RSPH14: variants seen among roughly 807,000 people sequenced by gnomAD.
RSPH14 encodes rhabdoid tumor deletion region gene 1.
Under a neutral mutation model 26.7 loss-of-function variants are expected in RSPH14, and 20 were observed. The ratio of observed to expected loss-of-function variants is 0.75; its 90% CI spans 0.53 to 1.09. The LOEUF (loss-of-function observed/expected upper bound fraction) is 1.09, where lower values mean the gene tolerates loss of function less well. RSPH14 is among the 50% of genes least tolerant of loss of function. The pLI is 0.00. For synonymous variants in RSPH14, 177 were observed against 189.3 expected (o/e 0.93, Z 0.53); for missense variants, 449 against 457.2 (o/e 0.98, Z 0.16).
intron 4 of RSPH14, among the ~76,000 whole-genome samples, chr22:23,065,764 G>T (rs2068196799): frequency 6.6e-6 from 1 of 152,096 alleles, no homozygotes; most frequent in African/African-American, 2.4e-5. Context: ...TGGGCCTAGG[G>T]TGGCAAGAGT....
At chr22:23,161,548 G>C in the RSPH14 span, 1 of 1,611,620 alleles carries the variant, frequency 6.2e-7, no homozygotes, top group East Asian at 2.2e-5. Flanking sequence ...AGGCCCTCCA[G>C]CCTGGGCTGC....
At chr22:23,102,517 C>A (rs535572444) in intron 4 of RSPH14, among the ~76,000 whole-genome samples, 1 of 152,372 alleles carries the variant, frequency 6.6e-6, no homozygotes, top group African/African-American at 2.4e-5. Context: ...TGCAGTGGCT[C>A]CTTGCCCTGG....
the RSPH14 span, among the ~76,000 whole-genome samples, chr22:23,169,259 A>C: frequency 6.6e-6 from 1 of 152,186 alleles, no homozygotes; most frequent in Non-Finnish European, 1.5e-5. Flanking sequence ...GGGGGCAGGA[A>C]TAAAGGACAG....
intron 4 of RSPH14, among the ~76,000 whole-genome samples, chr22:23,111,713 C>CA (rs1446408280): frequency 2.0e-5 from 3 of 152,246 alleles, no homozygotes; most frequent in Non-Finnish European, 4.4e-5. Flanking sequence ...GAACACAAGA[C>CA]AGCCAGTACC....
intron 4 of RSPH14, among the ~76,000 whole-genome samples, chr22:23,126,264 C>G (rs1188711802): frequency 6.6e-6 from 1 of 152,166 alleles, no homozygotes; most frequent in Admixed American, 6.5e-5. Context: ...AGGTTTCTCC[C>G]GGTTCCCAGA....
chr22:23,177,455 G>T, the RSPH14 span, among the ~76,000 whole-genome samples: 116 of 152,272 alleles, frequency 7.6e-4, 2 homozygotes, highest in East Asian at 0.02. Context: ...AGACATAGGG[G>T]AACAAGACAA....
chr22:23,145,975 C>T (rs970484552), upstream of RSPH14: 1 of 985,370 alleles, frequency 1.0e-6, no homozygotes, highest in Non-Finnish European at 1.2e-6. Context: ...AGCAGGAGAC[C>T]CCTCCCCACT....
chr22:23,124,228 TTG>T, intron 4 of RSPH14: 2 of 164,018 alleles, frequency 1.2e-5, no homozygotes, highest in South Asian at 1.6e-4. Flanking sequence ...TTTTTTTTTT[TTG>T]GCCAAATCTC....
the RSPH14 span, among the ~76,000 whole-genome samples, chr22:23,157,254 GTTT>G: frequency 6.8e-6 from 1 of 146,010 alleles, no homozygotes; most frequent in African/African-American, 2.5e-5. Flanking sequence ...GGACTAACAG[GTTT>G]TTTTTTTTTT....
At chr22:23,070,992 G>A (rs1009825331) in intron 4 of RSPH14, among the ~76,000 whole-genome samples, 11 of 152,096 alleles carry the variant, frequency 7.2e-5, no homozygotes, top group African/African-American at 2.2e-4. Context: ...TCAGGGAGGG[G>A]CGGCCGGAGC....
chr22:23,114,517 C>A (rs1266582636), intron 4 of RSPH14, among the ~76,000 whole-genome samples: 1 of 152,086 alleles, frequency 6.6e-6, no homozygotes, highest in East Asian at 1.9e-4. Context: ...TCTTGTATTA[C>A]CCCTCGCCCC....
rs138733040 is a variant in RSPH14, at chr22:23,130,323, C to T, written c.421+3703G>A. On this transcript the variant is annotated intron_variant, in intron 4 of 6. Transcript: ENST00000216036. ...ACAAAAAATCAGCCGGGCATGGTGG[C>T]GGGTGCCTGTAGTCCCAGCTACTCG... 4.5e-3 allele frequency among the ~76,000 whole-genome samples: 675 copies of T among 151,176 alleles called. 7 individuals carry two copies. Among genetic ancestry groups the T allele is most frequent in the African/African-American group, 0.016 (640 of 41,164 alleles).
chr22:23,145,723 C>T (rs2070729505), upstream of RSPH14, among the ~76,000 whole-genome samples: 1 of 152,252 alleles, frequency 6.6e-6, no homozygotes, highest in African/African-American at 2.4e-5. Context: ...AAACTCTGGG[C>T]CAGGCCCGCG....
At position 23,138,947 on chromosome 22, in the gene RSPH14, A is replaced by T; in HGVS notation, c.200-5T>A. 104 of 186,482 alleles carry T rather than the reference A, an allele frequency of 5.6e-4. No homozygotes were observed. The highest frequency in any genetic ancestry group is 6.9e-4 in the Non-Finnish European group (92 of 132,846). 11.6% of individuals were successfully genotyped at this position (186,482 alleles called of 1,614,324 possible). A position where few individuals can be genotyped will look rare whatever the true frequency, so the allele number is the denominator to read the frequency against. On this transcript the variant is annotated splice_region_variant and splice_polypyrimidine_tract_variant and intron_variant, in intron 2 of 6. Coordinates refer to ENST00000216036, the MANE Select transcript of RSPH14 (RefSeq NM_014433.3). ...CTTTCAGGTTCTCCATACAGCCTAG[A>T]AAAAAAAAAAAAAACAAACAAACCA... is the stretch of plus-strand genomic sequence containing the variant.
chr22:23,085,499 G>A (rs2068792509), intron 4 of RSPH14, among the ~76,000 whole-genome samples: 1 of 152,232 alleles, frequency 6.6e-6, no homozygotes, highest in South Asian at 2.1e-4. Context: ...CGTGCTGGGT[G>A]ATTTAGGAGC....
At chr22:23,063,804 G>A (rs1049389994) in intron 5 of RSPH14, 98 bp downstream of exon 5, 10 of 1,113,002 alleles carry the variant, frequency 9.0e-6, no homozygotes, top group East Asian at 5.1e-5. Flanking sequence ...CAGGCAAGGG[G>A]AAGCAGGCCC....
chr22:23,063,828 T>G (rs2068140812), intron 5 of RSPH14, 74 bp downstream of exon 5: 7 of 1,465,600 alleles, frequency 4.8e-6, no homozygotes, highest in Non-Finnish European at 6.6e-6. Context: ...GTGGCCGCCC[T>G]TGAGCTCTGG....
chr22:23,169,809 A>G, the RSPH14 span, among the ~76,000 whole-genome samples: 3 of 152,132 alleles, frequency 2.0e-5, no homozygotes, highest in South Asian at 6.2e-4. Context: ...GTGAATTAGA[A>G]AAAGGTACCT....
intron 3 of RSPH14, chr22:23,136,341 G>A (rs541573587): frequency 1.4e-6 from 1 of 689,774 alleles, no homozygotes; most frequent in African/African-American, 1.8e-5. Context: ...AGAAGAGGCA[G>A]AAGAGTTTCA....
Sources: allele counts gnomAD v4.1 joint callset (sites outside exome capture counted in the v4.1 genomes callset), GRCh38; gene constraint gnomAD v4.1.1; transcripts MANE v1.5; gene names NCBI Gene and HGNC (gene_info 2026-07-23, HGNC 2026-07-21).